The following ZNF385D variants were observed in gnomAD, a reference collection of about 807,000 sequenced individuals.
ZNF385D encodes zinc finger protein 385D.
In ZNF385D, 15 loss-of-function variants were observed where a neutral mutation model predicts 35.8. That is an observed-to-expected ratio of 0.42 (90% CI 0.28 to 0.64). The LOEUF (loss-of-function observed/expected upper bound fraction) is 0.64. Among genes scored for constraint, ZNF385D ranks in the 30% least tolerant of loss-of-function variants. ZNF385D has a pLI of 0.23. For missense variants in ZNF385D, 474 were observed against 494.6 expected (o/e 0.96, Z 0.39); for synonymous variants, 212 against 186.8 (o/e 1.13, Z -1.10).
At chr3:22,173,025 T>A (rs943185187) in intron 2 of ZNF385D, among the ~76,000 whole-genome samples, 1 of 152,244 alleles carries the variant, frequency 6.6e-6, no homozygotes, top group East Asian at 1.9e-4. Context: ...ACAGGTCACA[T>A]TGATAGCAAG....
rs545757691 is a variant in ZNF385D at position 21,614,589 on chromosome 3, TTTTG to T, written c.166-49909_166-49906del. On this transcript the variant is annotated intron_variant, in intron 2 of 7. Transcript: ENST00000281523. The stretch of plus-strand genomic sequence containing the variant: ...TCCAGCCAGCCCTGAAGTACAGATT[TTTTG>T]TTTGTTTGTTTTTTTGAGATGGAGT... Among the ~76,000 whole-genome samples, 64 of 152,120 alleles carry T rather than the reference TTTTG, an allele frequency of 4.2e-4. No individual in the cohort carries two copies. In the South Asian group the frequency reaches 7.9e-3, roughly 19 times the overall value.
chr3:22,010,016 A>G (rs1342192012), intron 3 of ZNF385D, among the ~76,000 whole-genome samples: 5 of 152,282 alleles, frequency 3.3e-5, no homozygotes, highest in Admixed American at 6.5e-5. Context: ...GAAAACAGGT[A>G]AACACAGTCA....
intron 3 of ZNF385D, among the ~76,000 whole-genome samples, chr3:21,908,593 A>C (rs1699811637): frequency 6.6e-6 from 1 of 152,110 alleles, no homozygotes; most frequent in South Asian, 2.1e-4. Flanking sequence ...ATTACCTACA[A>C]CAGTTAGGAA....
At chr3:22,269,723 G>T (rs925764757) in intron 2 of ZNF385D, among the ~76,000 whole-genome samples, 2 of 151,540 alleles carry the variant, frequency 1.3e-5, no homozygotes, top group Non-Finnish European at 2.9e-5. Context: ...TTTTTTGGGG[G>T]GAGGGTAGGT....
chr3:22,013,412 A>G (rs1027093890), intron 3 of ZNF385D, among the ~76,000 whole-genome samples: 3 of 152,192 alleles, frequency 2.0e-5, no homozygotes, highest in African/African-American at 7.2e-5. Context: ...GGCAGTTAGA[A>G]TAGGCCAAAT....
intron 2 of ZNF385D, among the ~76,000 whole-genome samples, chr3:22,367,341 G>C (rs949202330): frequency 2.6e-5 from 4 of 152,134 alleles, no homozygotes; most frequent in African/African-American, 9.7e-5. Context: ...AGCCCGTCTA[G>C]TTCTTAAACT....
intron 3 of ZNF385D, among the ~76,000 whole-genome samples, chr3:22,101,451 T>G (rs190028074): frequency 6.6e-6 from 1 of 152,074 alleles, no homozygotes; most frequent in Non-Finnish European, 1.5e-5. Flanking sequence ...CTCAGAGAGA[T>G]GAAATAACAC....
intron 3 of ZNF385D, among the ~76,000 whole-genome samples, chr3:22,094,716 G>A (rs1348064032): frequency 6.6e-6 from 1 of 151,960 alleles, no homozygotes; most frequent in Non-Finnish European, 1.5e-5. Context: ...GACATGCTCA[G>A]TAGGTTACTG....
chr3:22,112,930 A>G (rs989985222), intron 3 of ZNF385D, among the ~76,000 whole-genome samples: 4 of 152,106 alleles, frequency 2.6e-5, no homozygotes, highest in Admixed American at 6.6e-5. Flanking sequence ...TATGTTATAC[A>G]TTGGTAGAAA....
At chr3:22,369,776 T>C (rs1030436299) in intron 2 of ZNF385D, among the ~76,000 whole-genome samples, 16 of 152,114 alleles carry the variant, frequency 1.1e-4, no homozygotes, top group African/African-American at 3.6e-4. Context: ...GACAAAGTTA[T>C]CTTACTTGTT....
intron 3 of ZNF385D, among the ~76,000 whole-genome samples, chr3:22,098,224 A>G (rs968975061): frequency 6.6e-6 from 1 of 152,088 alleles, no homozygotes; most frequent in African/African-American, 2.4e-5. Context: ...TGCATCATGG[A>G]CAAAAATATG....
chr3:21,915,054 G>T (rs1288539506), intron 3 of ZNF385D, among the ~76,000 whole-genome samples: 1 of 131,480 alleles, frequency 7.6e-6, no homozygotes, highest in Non-Finnish European at 1.6e-5. Flanking sequence ...ATTATTTTAA[G>T]AATGAGTAGA....
chr3:22,049,476 C>T (rs1336357436), intron 3 of ZNF385D, among the ~76,000 whole-genome samples: 2 of 151,908 alleles, frequency 1.3e-5, no homozygotes, highest in African/African-American at 2.4e-5. Context: ...TACCCATGTC[C>T]TCCACCTTCC....
At chr3:22,043,397 A>C (rs890515295) in intron 3 of ZNF385D, among the ~76,000 whole-genome samples, 2 of 152,146 alleles carry the variant, frequency 1.3e-5, no homozygotes, top group Non-Finnish European at 2.9e-5. Flanking sequence ...GCATGCTACA[A>C]ACATAGGCAT....
At chr3:22,066,531 CCTGTGTGTGTGT>C (rs1699969334) in intron 3 of ZNF385D, among the ~76,000 whole-genome samples, 1 of 38,198 alleles carries the variant, frequency 2.6e-5, no homozygotes, top group Non-Finnish European at 4.8e-5. Flanking sequence ...GAGATGGTTC[CCTGTGTGTGTGT>C]GTGTGTGTGT....
At position 21,798,752 on chromosome 3, in the gene ZNF385D, G is replaced by C. The variant is rs546314903; in HGVS notation, c.326-133724C>G. On this transcript the variant is annotated intron_variant, in intron 3 of 5. Coordinates refer to the ZNF385D transcript ENST00000494108. ...CTGATCATATAAACCATGCACATCA[G>C]AGAGTGAGAATCTTGGGGGCTACTT... Among the ~76,000 whole-genome samples, 39 of 152,270 alleles carry C rather than the reference G, an allele frequency of 2.6e-4. No individual in the cohort carries two copies. In the South Asian group the frequency reaches 7.7e-3, roughly 30 times the overall value.
intron 1 of ZNF385D, among the ~76,000 whole-genome samples, chr3:21,726,194 A>C (rs2068758572): frequency 6.6e-6 from 1 of 152,214 alleles, no homozygotes; most frequent in Non-Finnish European, 1.5e-5. Flanking sequence ...AATAAGAGCT[A>C]TTTATGATAA....
At chr3:21,944,433 T>C (rs9870712) in intron 3 of ZNF385D, among the ~76,000 whole-genome samples, 80,608 of 151,994 alleles carry the variant, frequency 0.53, 22,266 homozygotes, top group South Asian at 0.66. Context: ...AGCACCAATA[T>C]ATTAGAAACA....
In ZNF385D at chr3:21,463,739, T is replaced by C. The variant is rs532695602; in HGVS notation, c.440-26536A>G. Reference sequence around the variant, plus strand: ...TATCTGGAAATCAGGAGAAACCTCTTCTGATCTGCAGCCCCTCAGTTTTCA... The same window carrying C: ...TATCTGGAAATCAGGAGAAACCTCTCCTGATCTGCAGCCCCTCAGTTTTCA... On this transcript the variant is annotated intron_variant, in intron 4 of 7. Transcript: ENST00000281523. 2.1e-4 allele frequency among the ~76,000 whole-genome samples: 32 copies of C among 152,322 alleles called. No homozygotes were observed. In the East Asian group the frequency reaches 6.0e-3, roughly 28 times the overall value.
Sources: gnomAD v4.1 joint callset for allele counts (sites outside exome capture counted in the v4.1 genomes callset) on GRCh38, gnomAD v4.1.1 for gene constraint, MANE v1.5 for transcripts, NCBI Gene and HGNC (gene_info 2026-07-23, HGNC 2026-07-21) for gene names.